The following PXN variants were observed in gnomAD, a reference collection of about 807,000 sequenced individuals.
The protein encoded by PXN is testicular tissue protein Li 134.
PXN carries 61 observed loss-of-function variants against 103.6 expected under a neutral mutation model. The observed-to-expected ratio is 0.59, with a 90% CI of 0.48 to 0.73. The LOEUF is 0.73. Among genes scored for constraint, PXN ranks in the 30% least tolerant of loss-of-function variants. The pLI, the probability that PXN is intolerant of heterozygous loss-of-function variation, is 0.00. For synonymous variants in PXN, 562 were observed against 607.8 expected, an observed-to-expected ratio of 0.92 and a Z score of 1.11; for missense variants, 1,274 against 1,460.3, an observed-to-expected ratio of 0.87 and a Z score of 2.08.
chr12:120,249,865 T>C (rs1170732897), intron 1 of PXN: 2 of 985,234 alleles, frequency 2.0e-6, no homozygotes, highest in Non-Finnish European at 2.4e-6. Context: ...CACCCAGCTA[T>C]CCCAACAGCT....
At chr12:120,264,055 T>G (rs1327379522) in intron 1 of PXN, among the ~76,000 whole-genome samples, 1 of 151,142 alleles carries the variant, frequency 6.6e-6, no homozygotes, top group African/African-American at 2.4e-5. Context: ...CTGGAAGCCA[T>G]GCCAACCTTG....
Position 120,229,728 on chromosome 12 carries a change from C to A in PXN, c.14-5351G>T, listed in dbSNP as rs1379628158. Among the ~76,000 whole-genome samples, 1 of 152,158 alleles carries A rather than the reference C, an allele frequency of 6.6e-6. No individual in the cohort carries two copies. Among genetic ancestry groups the A allele is most frequent in the African/African-American group, 2.4e-5 (1 of 41,434 alleles). ...CTTCTTCCCAGGGAGGTGTTAAGCC[C>A]TAGGAGGGGAAAGAAATCACCTCCC... On this transcript the variant is annotated intron_variant, in intron 1 of 14. Transcript: ENST00000637617. This position sits in a 1 kb window ranked among gnomAD's most constrained non-coding sequence, Gnocchi z 4.0.
chr12:120,265,572 T>G lies in PXN; in HGVS notation c.13+45A>C. 6.8e-7 allele frequency: 1 copy of G among 1,478,428 alleles called. No homozygotes were observed. Among genetic ancestry groups the G allele is most frequent in the Non-Finnish European group, 8.9e-7 (1 of 1,120,122 alleles). The allele number at this position is 1,478,428 out of a possible 1,614,324, so 91.6% of individuals were successfully genotyped here. On this transcript the variant is annotated intron_variant, in intron 1 of 14. Coordinates refer to ENST00000637617, the MANE Select transcript of PXN (RefSeq NM_001385981.1). This position sits in a 1 kb window ranked among gnomAD's most constrained non-coding sequence, Gnocchi z 5.7. The stretch of plus-strand genomic sequence containing the variant: ...CGCTGGCGCCCTCCTGGCCCCAAGC[T>G]GCGCGCCTCTCGCCTCCTCCTCCCT...
chr12:120,249,317 G>A (rs182997208), intron 1 of PXN, among the ~76,000 whole-genome samples: 2 of 152,198 alleles, frequency 1.3e-5, no homozygotes, highest in East Asian at 3.9e-4. Context: ...TTCCAGCTCT[G>A]GAAGCACCAG....
At chr12:120,234,607 T>C (rs1043560592) in intron 1 of PXN, among the ~76,000 whole-genome samples, 4 of 152,074 alleles carry the variant, frequency 2.6e-5, no homozygotes, top group Non-Finnish European at 5.9e-5. Flanking sequence ...CCCACCTGCA[T>C]GGCAGTGTGG....
chr12:120,223,027 T>A (rs768815576), intron 3 of PXN, 28 bp from the exon 4 acceptor site: 1 of 1,613,710 alleles, frequency 6.2e-7, no homozygotes, highest in Middle Eastern at 1.6e-4. Context: ...AAGAAGATAG[T>A]GAGAGATGCT....
Position 120,215,094 on chromosome 12 carries a change from C to A in PXN, c.2574+9G>T, listed in dbSNP as rs770209624. 9 of 1,584,116 alleles carry A rather than the reference C, an allele frequency of 5.7e-6. No homozygotes were observed. The highest frequency in any genetic ancestry group is 1.2e-5 in the South Asian group (1 of 86,548). On this transcript the variant is annotated intron_variant, in intron 11 of 14. Transcript: ENST00000637617. The surrounding 1 kb of genome is among the most constrained non-coding windows in gnomAD (Gnocchi z 4.9). The stretch of plus-strand genomic sequence containing the variant: ...ACTGGCCACACCCCTGCCCACTCCC[C>A]CTCATCACCTGCCCGGCGATGGGCT...
chr12:120,251,593 G>T (rs1055378296), intron 1 of PXN, among the ~76,000 whole-genome samples: 1 of 152,112 alleles, frequency 6.6e-6, no homozygotes, highest in Non-Finnish European at 1.5e-5. Context: ...GAGGTGGGCA[G>T]ATCATTTGAG....
In PXN at chr12:120,211,936, C is replaced by T. The variant is rs764460323; in HGVS notation, c.*378G>A. On this transcript the variant is annotated 3_prime_UTR_variant, in exon 15 of 15. Transcript: ENST00000637617. The stretch of plus-strand genomic sequence containing the variant: ...AGGATAAAAAGAGACCCCAACAGAC[C>T]CTGCCTGCCCTTCCCTGCCCCCCGG... The T allele has an allele frequency of 1.8e-6, 1 of 542,524 alleles. No individual in the cohort carries two copies. Among genetic ancestry groups the T allele is most frequent in the Non-Finnish European group, 3.6e-6 (1 of 276,304 alleles). 33.6% of individuals were successfully genotyped at this position (542,524 alleles called of 1,614,324 possible).
chr12:120,250,236 G>A (rs1891929450), intron 1 of PXN: 12 of 965,448 alleles, frequency 1.2e-5, no homozygotes, highest in Non-Finnish European at 1.2e-5. Flanking sequence ...GAATGTTCCT[G>A]GAAACAGAGG....
intron 1 of PXN, among the ~76,000 whole-genome samples, chr12:120,256,433 A>G (rs766201573): frequency 2.0e-5 from 3 of 151,980 alleles, no homozygotes; most frequent in Admixed American, 6.6e-5. Flanking sequence ...GAAGGAGAGG[A>G]GAAAAACGGA....
At position 120,221,776 on chromosome 12, in the gene PXN, C is replaced by T. The variant is rs2136288760; in HGVS notation, c.696-18G>A. ...TGGCAGGGCTGCAGGGTGGGCACAG[C>T]ATCAGTGGGGAGCCCACAGTCAGCC... is the stretch of plus-strand genomic sequence containing the variant. On this transcript the variant is annotated intron_variant, in intron 5 of 14. Coordinates refer to ENST00000637617, the MANE Select transcript of PXN (RefSeq NM_001385981.1). The surrounding 1 kb of genome is among the most constrained non-coding windows in gnomAD (Gnocchi z 6.6). 6.4e-7 allele frequency: 1 copy of T among 1,551,710 alleles called. No homozygotes were observed. The highest frequency in any genetic ancestry group is 8.7e-7 in the Non-Finnish European group (1 of 1,149,402).
rs981666827 is a variant in PXN, at chr12:120,216,358, C to T, written c.2216G>A (p.Gly739Asp). Residue 739 changes from glycine (G) to aspartate (D), a missense_variant, in exon 9 of 15, where the codon GGC (glycine) becomes GAC (aspartate). Physicochemically the swap from Gly to Asp is moderately conservative, Grantham distance 94. Around this residue, in one of 2 missense-constraint regions of PXN, gnomAD observed 1,178 missense variants for 1,309.0 expected, o/e 0.90. Coordinates refer to ENST00000637617, the MANE Select transcript of PXN (RefSeq NM_001385981.1). The surrounding 1 kb of genome is among the most constrained non-coding windows in gnomAD (Gnocchi z 5.1). ...GEEPHDEGVQ[G>D]PALPIPAPHT... ...GGGTGCAGGAATGGGAAGGGCAGGG[C>T]CCTGCACCCCCTCATCATGGGGCTC... 19 of 1,314,834 alleles carry T rather than the reference C, an allele frequency of 1.4e-5. No homozygotes were observed. The highest frequency in any genetic ancestry group is 1.4e-4 in the African/African-American group (9 of 64,930). The allele number at this position is 1,314,834 out of a possible 1,614,324, so 81.4% of individuals were successfully genotyped here. A position where few individuals can be genotyped will look rare whatever the true frequency, so the allele number is the denominator to read the frequency against.
chr12:120,248,813 C>T (rs531505768), intron 1 of PXN: 1 of 152,288 alleles, frequency 6.6e-6, no homozygotes, highest in South Asian at 2.1e-4. Flanking sequence ...AGAACAGTGG[C>T]TGCCACAGAG....
At chr12:120,223,993 C>T (rs577201132) in intron 2 of PXN, among the ~76,000 whole-genome samples, 158 bp downstream of exon 2, 2 of 152,312 alleles carry the variant, frequency 1.3e-5, no homozygotes, top group African/African-American at 4.8e-5. Context: ...CACTTGGTCA[C>T]TGTTCCACTC....
chr12:120,214,336 A>C lies in PXN; in HGVS notation c.2749-119T>G. 1.2e-6 allele frequency: 1 copy of C among 820,604 alleles called. No homozygotes were observed. Among genetic ancestry groups the C allele is most frequent in the Admixed American group, 2.2e-5 (1 of 45,954 alleles). 50.8% of individuals were successfully genotyped at this position (820,604 alleles called of 1,614,324 possible). On this transcript the variant is annotated intron_variant, in intron 12 of 14. Coordinates refer to ENST00000637617, the MANE Select transcript of PXN (RefSeq NM_001385981.1). This position sits in a 1 kb window ranked among gnomAD's most constrained non-coding sequence, Gnocchi z 5.0. Reference sequence around the variant, plus strand: ...GCCATAGACAGAGCAAAACACTCCCAAGATGGGGGTCTCTCCTAATTGTGC... The same window carrying C: ...GCCATAGACAGAGCAAAACACTCCCCAGATGGGGGTCTCTCCTAATTGTGC...
rs759379994 is a variant in PXN, at chr12:120,224,232, C to T, written c.159G>A (p.Pro53=). 71 of 977,660 alleles carry T rather than the reference C, an allele frequency of 7.3e-5. No individual in the cohort carries two copies. The highest frequency in any genetic ancestry group is 2.8e-4 in the African/African-American group (17 of 59,766). The allele number at this position is 977,660 out of a possible 1,614,324, so 60.6% of individuals were successfully genotyped here. A position where few individuals can be genotyped will look rare whatever the true frequency, so the allele number is the denominator to read the frequency against. ...IAVPPPVPPP[P]SSEALNGTIL... Reference sequence around the variant, plus strand: ...TTGTGCCATTGAGGGCCTCGCTGGACGGGGGTGGGGGGACGGGGGGTGGCA... The same window carrying T: ...TTGTGCCATTGAGGGCCTCGCTGGATGGGGGTGGGGGGACGGGGGGTGGCA... Residue 53 remains proline, a synonymous_variant, in exon 2 of 15, where the codon CCG becomes CCA. Transcript: ENST00000637617. The surrounding 1 kb of genome is among the most constrained non-coding windows in gnomAD (Gnocchi z 5.0).
At chr12:120,232,430 T>C (rs1202057801) in intron 1 of PXN, among the ~76,000 whole-genome samples, 2 of 152,232 alleles carry the variant, frequency 1.3e-5, no homozygotes, top group Non-Finnish European at 2.9e-5. Context: ...ATTGGTCAGA[T>C]GTCATCCACC....
chr12:120,249,116 G>A (rs183120711), intron 1 of PXN, among the ~76,000 whole-genome samples: 125 of 152,148 alleles, frequency 8.2e-4, no homozygotes, highest in Middle Eastern at 3.4e-3. Context: ...CAGCCTGGGC[G>A]ACAGAGCAAG....
Sources: allele counts gnomAD v4.1 joint callset (sites outside exome capture counted in the v4.1 genomes callset), GRCh38; gene constraint gnomAD v4.1.1; regional missense constraint gnomAD v4.1.1; non-coding constraint Gnocchi (gnomAD v3.1); transcripts MANE v1.5; gene names NCBI Gene and HGNC (gene_info 2026-07-23, HGNC 2026-07-21).